Variants in DAAM1 observed in about 807,000 individuals in gnomAD.
DAAM1 encodes dishevelled associated activator of morphogenesis 1.
DAAM1 carries 52 observed loss-of-function variants against 130.0 expected under a neutral mutation model. The observed-to-expected ratio is 0.40, with a 90% CI of 0.32 to 0.50. The LOEUF (loss-of-function observed/expected upper bound fraction) is 0.50, where lower values mean the gene tolerates loss of function less well. DAAM1 is among the 20% of genes least tolerant of loss of function. The pLI is 0.61. For synonymous variants in DAAM1, 452 were observed against 444.5 expected (o/e 1.02, Z -0.21); for missense variants, 1,134 against 1,303.8 (o/e 0.87, Z 2.01).
chr14:59,211,148 CA>C (rs1888414511), intron 1 of DAAM1, among the ~76,000 whole-genome samples: 1 of 152,046 alleles, frequency 6.6e-6, no homozygotes, highest in Admixed American at 6.6e-5. Flanking sequence ...GTAATTTAAA[CA>C]GAGAAATAAA....
Position 59,211,380 on chromosome 14 carries a change from A to G in DAAM1, c.-38+22612A>G, listed in dbSNP as rs537806143. Among the ~76,000 whole-genome samples the G allele has an allele frequency of 1.9e-3, 289 of 152,310 alleles. 1 individual carries two copies. Among genetic ancestry groups the G allele is most frequent in the African/African-American group, 6.5e-3 (270 of 41,568 alleles). On this transcript the variant is annotated intron_variant, in intron 1 of 24. Transcript: ENST00000360909. ...CATACATCCTGTGGCACTCTCTTCT[A>G]GGGCAGGTGTTGGTGGGTAGGTCCC...
intron 16 of DAAM1, 118 bp from the exon 17 acceptor site, chr14:59,347,421 C>A: frequency 1.1e-6 from 1 of 914,820 alleles, no homozygotes; most frequent in Non-Finnish European, 1.7e-6. Context: ...AATAAGCTTT[C>A]ACTGAGAGAT....
At chr14:59,302,176 T>C (rs1884199072) in intron 3 of DAAM1, among the ~76,000 whole-genome samples, 1 of 152,228 alleles carries the variant, frequency 6.6e-6, no homozygotes. Context: ...CCAAGCACTT[T>C]AGTTAACCCA....
intron 1 of DAAM1, among the ~76,000 whole-genome samples, chr14:59,216,603 C>A (rs1594761898): frequency 6.6e-6 from 1 of 152,096 alleles, no homozygotes; most frequent in East Asian, 1.9e-4. Flanking sequence ...TGCCTGTAAT[C>A]CCAGGTATTT....
intron 1 of DAAM1, among the ~76,000 whole-genome samples, chr14:59,216,853 A>G (rs924030023): frequency 1.3e-5 from 2 of 151,988 alleles, no homozygotes; most frequent in Non-Finnish European, 2.9e-5. Flanking sequence ...TGTTTGGCTT[A>G]GTTACCTCAA....
intron 3 of DAAM1, among the ~76,000 whole-genome samples, chr14:59,309,922 A>T (rs1884515516): frequency 6.6e-6 from 1 of 152,150 alleles, no homozygotes; most frequent in South Asian, 2.1e-4. Flanking sequence ...CTAACATAAG[A>T]GTTCTTTTGG....
At chr14:59,212,797 T>A (rs762421850) in intron 1 of DAAM1, among the ~76,000 whole-genome samples, 1 of 152,224 alleles carries the variant, frequency 6.6e-6, no homozygotes, top group Admixed American at 6.5e-5. Context: ...TTATTTCAGA[T>A]GGAATATTGT....
intron 16 of DAAM1, among the ~76,000 whole-genome samples, chr14:59,342,447 T>A (rs758485860): frequency 3.9e-5 from 6 of 152,204 alleles, no homozygotes; most frequent in Non-Finnish European, 8.8e-5. Context: ...AATTTGTATT[T>A]TATTTAGTTT....
chr14:59,330,208 TCTC>T (rs1301734043), intron 12 of DAAM1, among the ~76,000 whole-genome samples: 1 of 152,206 alleles, frequency 6.6e-6, no homozygotes, highest in African/African-American at 2.4e-5. Flanking sequence ...CAGTTACCAT[TCTC>T]CTCCACAAGA....
chr14:59,314,778 A>G (rs973838376), intron 3 of DAAM1, among the ~76,000 whole-genome samples: 5 of 152,226 alleles, frequency 3.3e-5, no homozygotes, highest in Non-Finnish European at 5.9e-5. Flanking sequence ...CTACCTCTTC[A>G]TCTGAAGCAG....
chr14:59,363,611 T>G, intron 22 of DAAM1, 40 bp from the exon 23 acceptor site: 1 of 1,612,974 alleles, frequency 6.2e-7, no homozygotes, highest in Non-Finnish European at 8.5e-7. Flanking sequence ...ATGTCTGTAT[T>G]TGAAGCCTGC....
intron 16 of DAAM1, among the ~76,000 whole-genome samples, chr14:59,342,877 G>A (rs1199467093): frequency 6.6e-6 from 1 of 152,164 alleles, no homozygotes; most frequent in Non-Finnish European, 1.5e-5. Context: ...AAGGAGGCGT[G>A]CAGCAGCAAA....
chr14:59,326,004 C>G lies in DAAM1; in HGVS notation c.1101C>G (p.Thr367=), dbSNP rs758415107. The change falls in exon 10 of 25, where the codon ACC becomes ACG. Residue 367 remains threonine, a synonymous_variant. Transcript: ENST00000360909. ...GTGCAACTCAGATGTTTGAGCTGAC[C>G]AGGAAGAGGCTGACACATAGTGAAG... The part of the protein sequence containing the change: ...TKSATQMFEL[T]RKRLTHSEAY... The G allele has an allele frequency of 9.3e-6, 15 of 1,614,144 alleles. No individual in the cohort carries two copies. Among genetic ancestry groups the G allele is most frequent in the Non-Finnish European group, 1.3e-5 (15 of 1,180,018 alleles).
chr14:59,263,711 AGAG>A (rs1302929178), intron 2 of DAAM1, 51 bp downstream of exon 2: 1 of 1,547,844 alleles, frequency 6.5e-7, no homozygotes, highest in South Asian at 1.1e-5. Context: ...GAGAAGGAGA[AGAG>A]GAGAGGATGT....
intron 3 of DAAM1, 113 bp from the exon 4 acceptor site, chr14:59,315,167 G>A (rs1884738546): frequency 1.1e-6 from 1 of 915,008 alleles, no homozygotes. Context: ...ATACCTTCGT[G>A]TCTTCTAAAG....
intron 2 of DAAM1, among the ~76,000 whole-genome samples, chr14:59,266,662 A>G (rs527550643): frequency 6.6e-6 from 1 of 152,346 alleles, no homozygotes; most frequent in East Asian, 1.9e-4. Flanking sequence ...AGGGACTAAG[A>G]CCACAAATCT....
intron 1 of DAAM1, among the ~76,000 whole-genome samples, chr14:59,250,185 A>G (rs1466115369): frequency 2.6e-5 from 4 of 152,344 alleles, no homozygotes; most frequent in Non-Finnish European, 5.9e-5. Flanking sequence ...TTAGTGAACT[A>G]CAGAGTCTCT....
In DAAM1 at chr14:59,369,861, A is replaced by C. The variant is rs1264846648; in HGVS notation, c.*1002A>C. ...TTTCTGTAAATATAGGTCTGGACTA[A>C]AGGATACATAAAGAATGCACAAAAT... On this transcript the variant is annotated 3_prime_UTR_variant, in exon 25 of 25. Transcript: ENST00000360909. The C allele has an allele frequency of 6.6e-6, 1 of 151,706 alleles. No homozygotes were observed. Among genetic ancestry groups the C allele is most frequent in the Non-Finnish European group, 1.5e-5 (1 of 67,870 alleles). The allele number at this position is 151,706 out of a possible 1,614,324, so 9.4% of individuals were successfully genotyped here.
chr14:59,260,612 A>G (rs1020390994), intron 1 of DAAM1, among the ~76,000 whole-genome samples: 2 of 152,294 alleles, frequency 1.3e-5, no homozygotes, highest in African/African-American at 2.4e-5. Flanking sequence ...CACTTATTCT[A>G]TGCCCTTATT....
Sources: allele counts gnomAD v4.1 joint callset (sites outside exome capture counted in the v4.1 genomes callset), GRCh38; gene constraint gnomAD v4.1.1; transcripts MANE v1.5; gene names NCBI Gene and HGNC (gene_info 2026-07-23, HGNC 2026-07-21).